SARDH: variants seen among roughly 807,000 people sequenced by gnomAD.
SARDH encodes sarcosine dehydrogenase, also known as sarcosine dehydrogenase, mitochondrial.
In SARDH, 95 loss-of-function variants were observed where a neutral mutation model predicts 109.1. That is an observed-to-expected ratio of 0.87 (90% CI 0.74 to 1.03). SARDH has a LOEUF of 1.03. Among genes scored for constraint, SARDH ranks in the 50% least tolerant of loss-of-function variants. The probability of loss-of-function intolerance (pLI) is 0.00; values close to 1 mark genes in which losing one functional copy is unlikely to be tolerated. For missense variants in SARDH, 1,267 were observed against 1,287.8 expected (o/e 0.98, Z 0.25); for synonymous variants, 572 against 534.8 (o/e 1.07, Z -0.96).
In SARDH at chr9:133,712,829, G is replaced by A; in HGVS notation, c.1238-120C>T. Reference sequence around the variant, plus strand: ...ACTCCAAGCTCTGCTCTCACACCTGGGGTGCTGCACGCCTCCTGATTGGAC... The same window carrying A: ...ACTCCAAGCTCTGCTCTCACACCTGAGGTGCTGCACGCCTCCTGATTGGAC... On this transcript the variant is annotated intron_variant, in intron 9 of 20. Transcript: ENST00000439388. The surrounding 1 kb of genome is among the most constrained non-coding windows in gnomAD (Gnocchi z 4.1). The A allele has an allele frequency of 9.6e-7, 1 of 1,039,430 alleles. No individual in the cohort carries two copies. The highest frequency in any genetic ancestry group is 1.4e-6 in the Non-Finnish European group (1 of 704,430). 64.4% of individuals were successfully genotyped at this position (1,039,430 alleles called of 1,614,324 possible). A position where few individuals can be genotyped will look rare whatever the true frequency, so the allele number is the denominator to read the frequency against.
Position 133,692,187 on chromosome 9 carries a change from C to T in SARDH, c.1922-1660G>A, listed in dbSNP as rs1463082452. ...AGCCCCGGGAGGCGCGTCTTCCTCA[C>T]TCCATTCCACCAATGGGGGAAACTG... On this transcript the variant is annotated intron_variant, in intron 15 of 20. Coordinates refer to ENST00000439388, the MANE Select transcript of SARDH (RefSeq NM_001134707.2). The surrounding 1 kb of genome is among the most constrained non-coding windows in gnomAD (Gnocchi z 5.0). 6.6e-6 allele frequency among the ~76,000 whole-genome samples: 1 copy of T among 152,150 alleles called. No individual in the cohort carries two copies. Among genetic ancestry groups the T allele is most frequent in the Non-Finnish European group, 1.5e-5 (1 of 68,016 alleles).
intron 6 of SARDH, among the ~76,000 whole-genome samples, chr9:133,721,271 AG>A (rs1832317637): frequency 6.6e-6 from 1 of 152,370 alleles, no homozygotes; most frequent in South Asian, 2.1e-4. Flanking sequence ...GGCCATCAAC[AG>A]GGGACTGCAT....
At position 133,663,577 on chromosome 9, in the gene SARDH, T is replaced by C; in HGVS notation, c.*312A>G. 1 of 359,090 alleles carries C rather than the reference T, an allele frequency of 2.8e-6. No homozygotes were observed. The highest frequency in any genetic ancestry group is 5.0e-6 in the Non-Finnish European group (1 of 198,536). 22.2% of individuals were successfully genotyped at this position (359,090 alleles called of 1,614,324 possible). A position where few individuals can be genotyped will look rare whatever the true frequency, so the allele number is the denominator to read the frequency against. On this transcript the variant is annotated 3_prime_UTR_variant, in exon 21 of 21. Coordinates refer to ENST00000439388, the MANE Select transcript of SARDH (RefSeq NM_001134707.2). Reference sequence around the variant, plus strand: ...CTTCGCTGTTTTCACGTGGGGCTTATCAAGTATTTACTAAGCACCTTCTAG... The same window carrying C: ...CTTCGCTGTTTTCACGTGGGGCTTACCAAGTATTTACTAAGCACCTTCTAG...
At chr9:133,680,689 C>T (rs1266230453) in intron 17 of SARDH, among the ~76,000 whole-genome samples, 3 of 152,214 alleles carry the variant, frequency 2.0e-5, no homozygotes, top group South Asian at 2.1e-4. Flanking sequence ...CTGGACCCAC[C>T]GGCCACCCAG....
At chr9:133,700,565 A>G (rs1196039517) in intron 13 of SARDH, among the ~76,000 whole-genome samples, 1 of 152,186 alleles carries the variant, frequency 6.6e-6, no homozygotes, top group Non-Finnish European at 1.5e-5. Context: ...GGTGTGGGGT[A>G]TCTTTTGCTG....
chr9:133,717,531 G>A, intron 7 of SARDH, 76 bp from the exon 8 acceptor site: 1 of 1,580,348 alleles, frequency 6.3e-7, no homozygotes, highest in Non-Finnish European at 8.6e-7. Flanking sequence ...CCTGCCTTGT[G>A]ATGGCTGCCA....
In SARDH at chr9:133,669,712, G is replaced by C. The variant is rs532768008; in HGVS notation, c.2495+872C>G. Among the ~76,000 whole-genome samples the C allele has an allele frequency of 2.0e-3, 302 of 152,314 alleles. 7 individuals are homozygous for C. The highest frequency in any genetic ancestry group is 0.017 in the Middle Eastern group (5 of 294). ...ACCTCTGCCGTGTGACTGGGCGTGA[G>C]TCCCCTGCTCCTTGGCACCATGTGG... On this transcript the variant is annotated intron_variant, in intron 19 of 20. Coordinates refer to ENST00000439388, the MANE Select transcript of SARDH (RefSeq NM_001134707.2).
At chr9:133,682,860 G>T (rs112248351) in intron 17 of SARDH, among the ~76,000 whole-genome samples, 4,452 of 139,830 alleles carry the variant, frequency 0.032, 616 homozygotes, top group African/African-American at 0.13. Context: ...GTTGGAAACT[G>T]CTAGAAGCGA....
chr9:133,737,576 C>T (rs983379099), intron 1 of SARDH, among the ~76,000 whole-genome samples: 7 of 152,208 alleles, frequency 4.6e-5, no homozygotes, highest in Non-Finnish European at 1.0e-4. Flanking sequence ...ACCACGGTGC[C>T]GCATGGCACA....
chr9:133,735,079 T>C (rs493901), intron 1 of SARDH, among the ~76,000 whole-genome samples: 73,750 of 151,924 alleles, frequency 0.49, 18,109 homozygotes, highest in African/African-American at 0.56. Flanking sequence ...TCGTGGATGC[T>C]ACAGCAGTGG....
At chr9:133,713,231 CACCCA>C in intron 8 of SARDH, 107 bp from the exon 9 acceptor site, 2 of 878,822 alleles carry the variant, frequency 2.3e-6, no homozygotes, top group Non-Finnish European at 1.8e-6. Context: ...GGGGCCCCTC[CACCCA>C]ACCCCCTCCC....
intron 17 of SARDH, among the ~76,000 whole-genome samples, chr9:133,683,963 C>G (rs1830790051): frequency 6.6e-6 from 1 of 152,218 alleles, no homozygotes; most frequent in Admixed American, 6.5e-5. Context: ...GTTTCTTTAG[C>G]CGGGCGGCCC....
chr9:133,727,470 C>A (rs1832532263), intron 6 of SARDH, among the ~76,000 whole-genome samples: 1 of 152,334 alleles, frequency 6.6e-6, no homozygotes, highest in African/African-American at 2.4e-5. Context: ...CAGGAGAGGG[C>A]CCCCTGGCTT....
intron 12 of SARDH, 112 bp from the exon 13 acceptor site, chr9:133,703,141 G>A (rs781681835): frequency 8.8e-6 from 8 of 905,020 alleles, no homozygotes; most frequent in Non-Finnish European, 1.2e-5. Context: ...CCCTGCCCTC[G>A]GAGAGCCCTG....
intron 6 of SARDH, among the ~76,000 whole-genome samples, chr9:133,720,683 A>G (rs763869767): frequency 6.6e-6 from 1 of 152,288 alleles, no homozygotes; most frequent in Non-Finnish European, 1.5e-5. Context: ...CTCCCTTTAT[A>G]AAACCATCAG....
Position 133,685,273 on chromosome 9 carries a change from G to A in SARDH, c.2083C>T (p.Gln695Ter), listed in dbSNP as rs1227234029. Residue 695 changes from glutamine (Q) to a stop codon, truncating the protein, a stop_gained, in exon 17 of 21, where the codon CAG becomes TAG. Transcript: ENST00000439388. LOFTEE classifies it high-confidence loss of function. Reference protein sequence around the residue: ...IQGPASRAILQEVLDADLSNE... With the variant: ...IQGPASRAIL ...CTCAGGTCTGCGTCCAGCACCTCCT[G>A]CAAAATGGCTCGGCTGCAGGCAAGA... 3 of 1,613,858 alleles carry A rather than the reference G, an allele frequency of 1.9e-6. No individual in the cohort carries two copies. The highest frequency in any genetic ancestry group is 2.2e-5 in the South Asian group (2 of 91,028).
chr9:133,726,918 T>C (rs1044382047), intron 6 of SARDH, among the ~76,000 whole-genome samples: 2 of 152,176 alleles, frequency 1.3e-5, no homozygotes, highest in Non-Finnish European at 2.9e-5. Flanking sequence ...CTGTCCTTCC[T>C]GCAGCACAGC....
At position 133,670,594 on chromosome 9, in the gene SARDH, T is replaced by C; in HGVS notation, c.2485A>G (p.Thr829Ala). 6.4e-7 allele frequency: 1 copy of C among 1,574,150 alleles called. No individual in the cohort carries two copies. Among genetic ancestry groups the C allele is most frequent in the Non-Finnish European group, 8.6e-7 (1 of 1,160,074 alleles). The change falls in exon 19 of 21, where the codon ACC becomes GCC. Residue 829 changes from threonine (T) to alanine (A), a missense_variant. Transcript: ENST00000439388. ...CAGCGGGATACTCACTCCTCCATGG[T>C]GAAGCACACCAGGCGCCGGCGGAGG... ...AGLRRRLVCFTMEDKVPMFGL... is the reference protein window; with the variant it reads ...AGLRRRLVCFAMEDKVPMFGL...
At chr9:133,673,995 A>C (rs1236433018) in intron 17 of SARDH, among the ~76,000 whole-genome samples, 2 of 152,188 alleles carry the variant, frequency 1.3e-5, no homozygotes, top group African/African-American at 4.8e-5. Context: ...AGCCTGGCCC[A>C]AGAAACAGTC....
Sources: allele counts gnomAD v4.1 joint callset (sites outside exome capture counted in the v4.1 genomes callset), GRCh38; gene constraint gnomAD v4.1.1; non-coding constraint Gnocchi (gnomAD v3.1); transcripts MANE v1.5; gene names NCBI Gene and HGNC (gene_info 2026-07-23, HGNC 2026-07-21).